UNC93A: variants seen among roughly 807,000 people sequenced by gnomAD.
The protein encoded by UNC93A is unc-93 homolog A.
Under a neutral mutation model 47.5 loss-of-function variants are expected in UNC93A, and 43 were observed. That is an observed-to-expected ratio of 0.91 (90% confidence interval 0.71 to 1.17). The LOEUF is 1.17. Among genes scored for constraint, UNC93A ranks in the 50% most tolerant of loss-of-function variants. The pLI, the probability that UNC93A is intolerant of heterozygous loss-of-function variation, is 0.00. For synonymous variants in UNC93A, 280 were observed against 258.0 expected (o/e 1.09, Z -0.82); for missense variants, 605 against 577.6 (o/e 1.05, Z -0.49).
upstream of UNC93A, among the ~76,000 whole-genome samples, chr6:167,290,928 C>CTGTACTG (rs1554238402): frequency 1.3e-5 from 2 of 152,136 alleles, no homozygotes; most frequent in African/African-American, 4.8e-5. Context: ...TGTTGTGAAA[C>CTGTACTG]TGTACAGTCT....
chr6:167,280,786 A>G (rs1783619236), intron 1 of UNC93A, among the ~76,000 whole-genome samples: 1 of 152,178 alleles, frequency 6.6e-6, no homozygotes, highest in African/African-American at 2.4e-5. Flanking sequence ...TGTATGCTTC[A>G]CTGTTAAGGA....
At chr6:167,304,586 T>C (rs1023625498) in intron 5 of UNC93A, among the ~76,000 whole-genome samples, 1 of 152,186 alleles carries the variant, frequency 6.6e-6, no homozygotes, top group Non-Finnish European at 1.5e-5. Flanking sequence ...TTTTCTTTTT[T>C]TGAGATGGAG....
In UNC93A at chr6:167,294,638, C is replaced by G. The variant is rs1777997134; in HGVS notation, c.209C>G (p.Thr70Ser). The change falls in exon 2 of 8, where the codon ACC (threonine) becomes AGC (serine). Residue 70 changes from threonine (T) to serine (S), a missense_variant. Transcript: ENST00000230256. ...ATCGAGAGGCTGGGCTGCAAGGGGA[C>G]CATCATCCTCTCCATGTGTGGCTAC... is the stretch of plus-strand genomic sequence containing the variant. ...LLIERLGCKG[T>S]IILSMCGYVA... 1 of 1,613,436 alleles carries G rather than the reference C, an allele frequency of 6.2e-7. No homozygotes were observed. The highest frequency in any genetic ancestry group is 2.2e-5 in the East Asian group (1 of 44,846).
intron 1 of UNC93A, among the ~76,000 whole-genome samples, chr6:167,285,484 A>T (rs1783710868): frequency 6.6e-6 from 1 of 151,722 alleles, no homozygotes; most frequent in South Asian, 2.1e-4. Context: ...CGGGACTCAC[A>T]CTGCAGTGCC....
chr6:167,308,598 G>A (rs762857482), intron 7 of UNC93A, among the ~76,000 whole-genome samples: 8 of 151,930 alleles, frequency 5.3e-5, no homozygotes, highest in Non-Finnish European at 1.0e-4. Flanking sequence ...TGGCAGGGAT[G>A]CTCCAAGGCC....
chr6:167,306,120 G>A, intron 6 of UNC93A, 70 bp downstream of exon 6: 1 of 1,597,402 alleles, frequency 6.3e-7, no homozygotes, highest in Non-Finnish European at 8.5e-7. Flanking sequence ...ACAGCTCACA[G>A]TCAGGACAGG....
At chr6:167,285,960 C>CTCTCTCTCTA (rs534979428) in intron 1 of UNC93A, among the ~76,000 whole-genome samples, 12 of 139,304 alleles carry the variant, frequency 8.6e-5, no homozygotes, top group African/African-American at 2.3e-4. Context: ...CTCTCTCTCT[C>CTCTCTCTCTA]TATATATATA....
rs35854179 is a variant in UNC93A at position 167,305,996 on chromosome 6, G to A, written c.922G>A (p.Val308Met). Reference sequence around the variant, plus strand: ...CTCGGCCACTGACGCGCTGTGCTCCGTGTTGTATGGAAAGGTCTCGCAGTA... The same window carrying A: ...CTCGGCCACTGACGCGCTGTGCTCCATGTTGTATGGAAAGGTCTCGCAGTA... ...CFSATDALCS[V>M]LYGKVSQYTG... Residue 308 changes from valine (V) to methionine (M), a missense_variant, in exon 6 of 8, where the codon GTG (valine) becomes ATG (methionine). Physicochemically the swap from Val to Met is conservative, Grantham distance 21. Transcript: ENST00000230256. 8,836 of 1,614,142 alleles carry A rather than the reference G, an allele frequency of 5.5e-3. 337 individuals are homozygous for A. In the African/African-American group the frequency reaches 0.09, roughly 16 times the overall value.
At chr6:167,270,916 G>T (rs866302870), upstream of UNC93A, among the ~76,000 whole-genome samples, 27 of 152,190 alleles carry the variant, frequency 1.8e-4, no homozygotes, top group African/African-American at 6.5e-4. Flanking sequence ...CTGTTGTGGC[G>T]ACCTCAAGAA....
Position 167,298,614 on chromosome 6 carries a change from C to T in UNC93A, c.625+544C>T, listed in dbSNP as rs1416717202. The stretch of plus-strand genomic sequence containing the variant: ...CTCCCAAGTGCTTGTTGCACCTTAG[C>T]TGGAGACGTTGCAAGCTCATGGTGA... On this transcript the variant is annotated intron_variant, in intron 4 of 7. Transcript: ENST00000230256. Among the ~76,000 whole-genome samples, 4 of 151,668 alleles carry T rather than the reference C, an allele frequency of 2.6e-5. No individual in the cohort carries two copies. In the South Asian group the frequency reaches 8.4e-4, roughly 32 times the overall value.
At chr6:167,294,722 C>T (rs1778001570) in intron 2 of UNC93A, 24 bp downstream of exon 2, 13 of 1,567,778 alleles carry the variant, frequency 8.3e-6, no homozygotes, top group East Asian at 2.3e-5. Flanking sequence ...ACCCCCTGCC[C>T]ACCCCACCCC....
rs438792 is a variant in UNC93A, at chr6:167,275,511, C to T, written c.-52+4053C>T. ...CTCACCCACCCCCAAGGGCAGTCAGCGGGGGGATCTTCCAGGAACTCTTGG... is the reference window on the plus strand; with the variant it reads ...CTCACCCACCCCCAAGGGCAGTCAGTGGGGGGATCTTCCAGGAACTCTTGG... On this transcript the variant is annotated intron_variant, in intron 1 of 3. Coordinates refer to the UNC93A transcript ENST00000503433. 7.8e-3 allele frequency among the ~76,000 whole-genome samples: 1,192 copies of T among 152,320 alleles called. 8 individuals carry two copies. The highest frequency in any genetic ancestry group is 0.021 in the African/African-American group (880 of 41,546).
Position 167,304,084 on chromosome 6 carries a change from C to T in UNC93A, c.791C>T (p.Pro264Leu), listed in dbSNP as rs759479832. Reference protein sequence around the residue: ...DKRLCLLILLPLYSGLQQGFL... With the variant: ...DKRLCLLILLLLYSGLQQGFL... Reference sequence around the variant, plus strand: ...CGTCTGTGCCTCTTAATTCTGCTGCCGCTGTACAGTGGATTGCAGCAAGGA... The same window carrying T: ...CGTCTGTGCCTCTTAATTCTGCTGCTGCTGTACAGTGGATTGCAGCAAGGA... Residue 264 changes from proline (P) to leucine (L), a missense_variant, in exon 5 of 8, where the codon CCG becomes CTG. Transcript: ENST00000230256. 2.8e-5 allele frequency: 45 copies of T among 1,614,008 alleles called. No homozygotes were observed. The highest frequency in any genetic ancestry group is 2.0e-4 in the East Asian group (9 of 44,900).
intron 7 of UNC93A, among the ~76,000 whole-genome samples, chr6:167,311,424 C>T (rs988671959): frequency 6.6e-6 from 1 of 152,232 alleles, no homozygotes; most frequent in African/African-American, 2.4e-5. Context: ...CTGTGCCAGG[C>T]ACTCCTCTCT....
chr6:167,308,303 G>T (rs1042257746), intron 7 of UNC93A, among the ~76,000 whole-genome samples: 2 of 152,192 alleles, frequency 1.3e-5, no homozygotes, highest in Non-Finnish European at 2.9e-5. Context: ...TGGGCCTGGG[G>T]TGTAAACATG....
Position 167,304,088 on chromosome 6 carries a change from G to A in UNC93A, c.795G>A (p.Leu265=), listed in dbSNP as rs1778315380. The A allele has an allele frequency of 5.0e-6, 8 of 1,614,168 alleles. No homozygotes were observed. The highest frequency in any genetic ancestry group is 6.8e-6 in the Non-Finnish European group (8 of 1,180,044). ...TGTGCCTCTTAATTCTGCTGCCGCT[G>A]TACAGTGGATTGCAGCAAGGATTCC... ...KRLCLLILLP[L]YSGLQQGFLS... is the part of the protein sequence containing the mutation. Residue 265 remains leucine (L), a synonymous_variant, in exon 5 of 8, where the codon CTG becomes CTA. Coordinates refer to ENST00000230256, the MANE Select transcript of UNC93A (RefSeq NM_018974.4).
At chr6:167,303,740 C>T (rs181429023) in intron 4 of UNC93A, among the ~76,000 whole-genome samples, 179 bp from the exon 5 acceptor site, 6 of 152,158 alleles carry the variant, frequency 3.9e-5, no homozygotes, top group East Asian at 1.9e-4. Context: ...AGAATCAGCA[C>T]GATCAAGTGC....
chr6:167,283,521 A>G (rs183432107), intron 1 of UNC93A, among the ~76,000 whole-genome samples: 1 of 152,282 alleles, frequency 6.6e-6, no homozygotes, highest in East Asian at 1.9e-4. Context: ...TTTGGTCTAC[A>G]GTTATCTGAA....
At chr6:167,272,780 G>T (rs1783470188) in intron 1 of UNC93A, among the ~76,000 whole-genome samples, 1 of 152,228 alleles carries the variant, frequency 6.6e-6, no homozygotes, top group Non-Finnish European at 1.5e-5. Context: ...TAAGATAACA[G>T]GTTGTGGAGA....
Sources: gnomAD v4.1 joint callset for allele counts (sites outside exome capture counted in the v4.1 genomes callset) on GRCh38, gnomAD v4.1.1 for gene constraint, MANE v1.5 for transcripts, NCBI Gene and HGNC (gene_info 2026-07-23, HGNC 2026-07-21) for gene names.